The following CLSTN2 variants were observed in gnomAD, a reference collection of about 807,000 sequenced individuals.
CLSTN2 encodes calsyntenin 2, also known as calsyntenin-2.
CLSTN2 carries 48 observed loss-of-function variants against 101.2 expected under a neutral mutation model. The ratio of observed to expected loss-of-function variants is 0.47; its 90% CI spans 0.38 to 0.60. The LOEUF is 0.60. CLSTN2 is among the 20% of genes least tolerant of loss of function. CLSTN2 has a pLI of 0.00. For synonymous variants in CLSTN2, 481 were observed against 463.6 expected, an observed-to-expected ratio of 1.04 and a Z score of -0.48; for missense variants, 1,160 against 1,238.2, an observed-to-expected ratio of 0.94 and a Z score of 0.95.
At chr3:140,322,464 T>C (rs895685588) in intron 2 of CLSTN2, among the ~76,000 whole-genome samples, 1 of 152,090 alleles carries the variant, frequency 6.6e-6, no homozygotes, top group Non-Finnish European at 1.5e-5. Flanking sequence ...GAGCAAGAGG[T>C]GCTGAGTAGG....
intron 1 of CLSTN2, among the ~76,000 whole-genome samples, chr3:140,102,956 T>C (rs570271939): frequency 2.8e-4 from 43 of 152,348 alleles, no homozygotes; most frequent in African/African-American, 1.0e-3. Context: ...CTCAGTTTTC[T>C]TACCTTTCAA....
Position 140,555,845 on chromosome 3 carries a change from C to T in CLSTN2, c.1675-668C>T, listed in dbSNP as rs76752451. ...ACCCAAGTGACTCAGTGGGGAGAAT[C>T]GCCGCTACATGGCCTTTGGCAAGTG... On this transcript the variant is annotated intron_variant, in intron 10 of 16. Transcript: ENST00000458420. Among the ~76,000 whole-genome samples the T allele has an allele frequency of 8.8e-3, 1,347 of 152,222 alleles. 41 individuals are homozygous for T. In the East Asian group the frequency reaches 0.14, roughly 16 times the overall value.
chr3:140,556,374 A>G, intron 10 of CLSTN2, 139 bp from the exon 11 acceptor site: 1 of 760,588 alleles, frequency 1.3e-6, no homozygotes, highest in East Asian at 2.5e-5. Context: ...TATCATTTGT[A>G]CACACAACTG....
At chr3:140,055,793 A>G (rs1270611771) in intron 1 of CLSTN2, among the ~76,000 whole-genome samples, 2 of 152,194 alleles carry the variant, frequency 1.3e-5, no homozygotes, top group Non-Finnish European at 2.9e-5. Flanking sequence ...AGCCTAGTTA[A>G]TCAGTCTCCC....
chr3:140,510,756 T>A (rs370452385), intron 8 of CLSTN2, among the ~76,000 whole-genome samples: 1 of 152,202 alleles, frequency 6.6e-6, no homozygotes, highest in East Asian at 1.9e-4. Flanking sequence ...GCAGGCAACC[T>A]CCTGGGAAGA....
intron 2 of CLSTN2, among the ~76,000 whole-genome samples, chr3:140,194,906 G>A (rs1221515099): frequency 6.6e-6 from 1 of 152,236 alleles, no homozygotes; most frequent in African/African-American, 2.4e-5. Flanking sequence ...AGTGGGGAGA[G>A]GATAGAACTC....
intron 8 of CLSTN2, among the ~76,000 whole-genome samples, chr3:140,527,691 A>G (rs1935173206): frequency 6.6e-6 from 1 of 152,176 alleles, no homozygotes; most frequent in African/African-American, 2.4e-5. Flanking sequence ...CAGTGGGCTG[A>G]ATAAAGAAAA....
chr3:140,139,188 A>C (rs909715851), intron 1 of CLSTN2, among the ~76,000 whole-genome samples: 2 of 152,144 alleles, frequency 1.3e-5, no homozygotes, highest in Admixed American at 6.5e-5. Flanking sequence ...GTGAACTTGC[A>C]TTGTAGAGAA....
In CLSTN2 at chr3:140,065,750, T is replaced by C. The variant is rs549449997; in HGVS notation, c.110-110201T>C. 2.0e-5 allele frequency among the ~76,000 whole-genome samples: 3 copies of C among 152,346 alleles called. No individual in the cohort carries two copies. In the South Asian group the frequency reaches 6.2e-4, roughly 32 times the overall value. On this transcript the variant is annotated intron_variant, in intron 1 of 16. Coordinates refer to ENST00000458420, the MANE Select transcript of CLSTN2 (RefSeq NM_022131.3). The stretch of plus-strand genomic sequence containing the variant: ...GAACTATTAAATGCATCATAGGCTT[T>C]ACTTCATTTGTTTAAATGGTGCTGT...
chr3:140,191,748 C>T (rs1172368111), intron 2 of CLSTN2, among the ~76,000 whole-genome samples: 1 of 151,844 alleles, frequency 6.6e-6, no homozygotes, highest in East Asian at 1.9e-4. Flanking sequence ...CCAGTTTGCT[C>T]CTCATGTTGA....
intron 1 of CLSTN2, among the ~76,000 whole-genome samples, chr3:140,165,457 AGGAAAT>A (rs1559795437): frequency 6.6e-6 from 1 of 152,194 alleles, no homozygotes; most frequent in African/African-American, 2.4e-5. Context: ...AGGGTTCTTC[AGGAAAT>A]GGGAACAAGG....
At chr3:140,477,341 C>T (rs1248517217) in intron 8 of CLSTN2, among the ~76,000 whole-genome samples, 1 of 152,212 alleles carries the variant, frequency 6.6e-6, no homozygotes, top group South Asian at 2.1e-4. Context: ...GAAGCAGCTA[C>T]TGCATCCCTT....
At chr3:140,013,071 A>G (rs376377142) in intron 1 of CLSTN2, among the ~76,000 whole-genome samples, 116 of 152,300 alleles carry the variant, frequency 7.6e-4, no homozygotes, top group African/African-American at 2.7e-3. Flanking sequence ...TGCTCAATGG[A>G]TGGATGAGCC....
intron 2 of CLSTN2, among the ~76,000 whole-genome samples, chr3:140,257,228 T>A (rs992944976): frequency 6.6e-6 from 1 of 152,172 alleles, no homozygotes; most frequent in African/African-American, 2.4e-5. Flanking sequence ...CCTTGGTGCA[T>A]GCTACATGTG....
At chr3:139,990,813 T>C (rs537688602) in intron 1 of CLSTN2, among the ~76,000 whole-genome samples, 1 of 152,358 alleles carries the variant, frequency 6.6e-6, no homozygotes, top group Non-Finnish European at 1.5e-5. Flanking sequence ...ATTCACTTGT[T>C]TTCCCCAAAT....
At position 140,468,929 on chromosome 3, in the gene CLSTN2, T is replaced by C. The variant is rs1006589140; in HGVS notation, c.1344+2198T>C. Among the ~76,000 whole-genome samples, 20 of 152,242 alleles carry C rather than the reference T, an allele frequency of 1.3e-4. 1 individual carries two copies. Among genetic ancestry groups the C allele is most frequent in the Non-Finnish European group, 2.9e-4 (20 of 68,052 alleles). On this transcript the variant is annotated intron_variant, in intron 8 of 16. Transcript: ENST00000458420. Reference sequence around the variant, plus strand: ...AACAAAGTATCACAGGCTGAGTGGCTTAAATAATAGGAATTTATTTTCTCA... The same window carrying C: ...AACAAAGTATCACAGGCTGAGTGGCCTAAATAATAGGAATTTATTTTCTCA...
At chr3:140,111,348 AC>A (rs1181493794) in intron 1 of CLSTN2, among the ~76,000 whole-genome samples, 1 of 152,090 alleles carries the variant, frequency 6.6e-6, no homozygotes, top group African/African-American at 2.4e-5. Context: ...ACAGATGCAG[AC>A]TTAGTGAGGG....
chr3:140,185,965 G>A (rs1253587090), intron 2 of CLSTN2, among the ~76,000 whole-genome samples: 2 of 152,174 alleles, frequency 1.3e-5, no homozygotes, highest in Non-Finnish European at 1.5e-5. Context: ...AGATGGGTGA[G>A]TAAGAATAGC....
In CLSTN2 at chr3:139,942,993, T is replaced by C. The variant is rs142701581; in HGVS notation, c.109+7510T>C. Reference sequence around the variant, plus strand: ...GAGATGCCCCTGATCAATACTTTTTTTCCCTAGCTCACTTTGAGCCTCCTA... The same window carrying C: ...GAGATGCCCCTGATCAATACTTTTTCTCCCTAGCTCACTTTGAGCCTCCTA... On this transcript the variant is annotated intron_variant, in intron 1 of 16. Coordinates refer to ENST00000458420, the MANE Select transcript of CLSTN2 (RefSeq NM_022131.3). Among the ~76,000 whole-genome samples, 8 of 152,282 alleles carry C rather than the reference T, an allele frequency of 5.3e-5. No individual in the cohort carries two copies. In the East Asian group the frequency reaches 1.5e-3, roughly 29 times the overall value.
Sources: allele counts gnomAD v4.1 joint callset (sites outside exome capture counted in the v4.1 genomes callset), GRCh38; gene constraint gnomAD v4.1.1; transcripts MANE v1.5; gene names NCBI Gene and HGNC (gene_info 2026-07-23, HGNC 2026-07-21).